TOX: variants seen among roughly 807,000 people sequenced by gnomAD.
TOX encodes the protein thymocyte selection-associated high mobility group box protein TOX.
Under a neutral mutation model 53.7 loss-of-function variants are expected in TOX, and 11 were observed. The observed-to-expected ratio is 0.20, with a 90% CI of 0.13 to 0.34. TOX has a LOEUF of 0.34. Ranked by LOEUF, TOX falls within the 10% of genes least tolerant of loss-of-function variation. The probability of loss-of-function intolerance (pLI) is 1.00; values close to 1 mark genes in which losing one functional copy is unlikely to be tolerated. For missense variants in TOX, 570 were observed against 664.6 expected, an observed-to-expected ratio of 0.86 and a Z score of 1.56; for synonymous variants, 225 against 245.3, an observed-to-expected ratio of 0.92 and a Z score of 0.77.
At chr8:59,021,607 A>G (rs10957077) in intron 1 of TOX, among the ~76,000 whole-genome samples, 87,393 of 149,980 alleles carry the variant, frequency 0.58, 26,690 homozygotes, top group Non-Finnish European at 0.69. Context: ...AAGTCTCTAC[A>G]GGACCTACAA....
intron 3 of TOX, among the ~76,000 whole-genome samples, chr8:58,892,716 C>A (rs183837307): frequency 6.6e-6 from 1 of 152,250 alleles, no homozygotes; most frequent in African/African-American, 2.4e-5. Context: ...GACTGTATTG[C>A]TTGCACGAGG....
At chr8:58,993,845 G>A (rs919993678) in intron 1 of TOX, among the ~76,000 whole-genome samples, 17 of 150,802 alleles carry the variant, frequency 1.1e-4, no homozygotes, top group Non-Finnish European at 3.0e-5. Context: ...TTCCTAAGGG[G>A]ACCTAAGGGG....
intron 5 of TOX, among the ~76,000 whole-genome samples, chr8:58,837,487 C>T (rs1182149976): frequency 3.3e-5 from 5 of 152,126 alleles, no homozygotes; most frequent in East Asian, 1.9e-4. Context: ...TGGTATCTCA[C>T]GTGGCCTTCC....
At chr8:59,031,924 T>C (rs1814364097) in intron 1 of TOX, among the ~76,000 whole-genome samples, 1 of 152,226 alleles carries the variant, frequency 6.6e-6, no homozygotes, top group Non-Finnish European at 1.5e-5. Context: ...ATTTTCCCCC[T>C]CAGTTCAATG....
At chr8:58,833,101 C>T (rs1810490012) in intron 5 of TOX, among the ~76,000 whole-genome samples, 1 of 152,168 alleles carries the variant, frequency 6.6e-6, no homozygotes, top group Non-Finnish European at 1.5e-5. Flanking sequence ...AATAGGCTTT[C>T]CACTCCATTT....
chr8:58,904,460 A>G (rs1179851759), intron 3 of TOX, among the ~76,000 whole-genome samples: 1 of 152,146 alleles, frequency 6.6e-6, no homozygotes, highest in African/African-American at 2.4e-5. Context: ...CTACCTCCAC[A>G]GCCTATGGGG....
chr8:59,088,449 C>A (rs1804551347), intron 1 of TOX, among the ~76,000 whole-genome samples: 1 of 152,172 alleles, frequency 6.6e-6, no homozygotes, highest in Admixed American at 6.5e-5. Context: ...TTCTGGATAA[C>A]TTAGGCCAAA....
chr8:58,910,022 C>T (rs919927197), intron 3 of TOX, among the ~76,000 whole-genome samples: 1 of 152,050 alleles, frequency 6.6e-6, no homozygotes, highest in Non-Finnish European at 1.5e-5. Context: ...GTTTCTACCA[C>T]ATAATATAGT....
intron 1 of TOX, among the ~76,000 whole-genome samples, chr8:58,999,021 A>G (rs1813639047): frequency 1.3e-5 from 2 of 152,214 alleles, no homozygotes; most frequent in African/African-American, 4.8e-5. Context: ...TGTTTACTTT[A>G]AAATTAAAAC....
chr8:58,985,898 T>C (rs1813319898), intron 1 of TOX, among the ~76,000 whole-genome samples: 1 of 152,164 alleles, frequency 6.6e-6, no homozygotes, highest in Admixed American at 6.5e-5. Context: ...CCTCCCATTT[T>C]TAAAACCTCC....
At chr8:58,858,561 G>C (rs1468967406) in intron 3 of TOX, among the ~76,000 whole-genome samples, 2 of 152,240 alleles carry the variant, frequency 1.3e-5, no homozygotes, top group East Asian at 3.8e-4. Flanking sequence ...GCTGCTTTCT[G>C]TGGTCTTTGC....
At chr8:58,824,391 T>C (rs1460681490) in intron 6 of TOX, among the ~76,000 whole-genome samples, 1 of 152,212 alleles carries the variant, frequency 6.6e-6, no homozygotes, top group African/African-American at 2.4e-5. Context: ...GCCTTTCAAA[T>C]GTCCTGCAAG....
chr8:58,982,269 C>T (rs1182415006), intron 1 of TOX, among the ~76,000 whole-genome samples: 1 of 152,192 alleles, frequency 6.6e-6, no homozygotes. Flanking sequence ...CCTATGCCCC[C>T]ACACCCCTTT....
At chr8:58,908,984 T>A (rs1248405724) in intron 3 of TOX, among the ~76,000 whole-genome samples, 1 of 152,256 alleles carries the variant, frequency 6.6e-6, no homozygotes, top group African/African-American at 2.4e-5. Flanking sequence ...AATGGGATGA[T>A]ATTGGCTATC....
At chr8:59,038,965 TAGAC>T (rs1803520416) in intron 1 of TOX, among the ~76,000 whole-genome samples, 1 of 152,228 alleles carries the variant, frequency 6.6e-6, no homozygotes, top group Admixed American at 6.5e-5. Context: ...CAGTAATTCT[TAGAC>T]AGCTCCACAC....
chr8:58,940,590 G>A (rs1283602340), intron 2 of TOX, among the ~76,000 whole-genome samples: 1 of 152,202 alleles, frequency 6.6e-6, no homozygotes, highest in Non-Finnish European at 1.5e-5. Context: ...ATTCTCGCAA[G>A]CTTATCTTTC....
At chr8:58,815,192 G>T in intron 7 of TOX, 146 bp downstream of exon 7, 1 of 1,057,056 alleles carries the variant, frequency 9.5e-7, no homozygotes, top group Non-Finnish European at 1.3e-6. Context: ...GATATTTGTT[G>T]AATATCTTTA....
rs910811579 is a variant in TOX, at chr8:58,927,325, C to G, written c.411+11977G>C. 2.9e-4 allele frequency among the ~76,000 whole-genome samples: 44 copies of G among 152,156 alleles called. 1 individual carries two copies. The highest frequency in any genetic ancestry group is 3.1e-4 in the Non-Finnish European group (21 of 68,032). On this transcript the variant is annotated intron_variant, in intron 3 of 8. Transcript: ENST00000361421. The stretch of plus-strand genomic sequence containing the variant: ...GTTCATCAGGAGAGAGACTGAGAGA[C>G]AGAGAGAGGACAAAAGGCTCAATTG...
At chr8:59,016,857 G>GT (rs1814020906) in intron 1 of TOX, among the ~76,000 whole-genome samples, 1 of 152,188 alleles carries the variant, frequency 6.6e-6, no homozygotes, top group Non-Finnish European at 1.5e-5. Context: ...AAGATACTGA[G>GT]TTTTTGATAA....
Sources: allele counts gnomAD v4.1 joint callset (sites outside exome capture counted in the v4.1 genomes callset), GRCh38; gene constraint gnomAD v4.1.1; transcripts MANE v1.5; gene names NCBI Gene and HGNC (gene_info 2026-07-23, HGNC 2026-07-21).